The following SALL1 variants were observed in gnomAD, a reference collection of about 807,000 sequenced individuals.
SALL1 encodes the protein sal-like protein 1.
A neutral mutation model predicts 73.1 loss-of-function variants in SALL1; 10 were observed. The observed-to-expected ratio is 0.14, with a 90% CI of 0.08 to 0.23. SALL1 has a LOEUF of 0.23. Ranked by LOEUF, SALL1 falls within the 10% of genes least tolerant of loss-of-function variation. SALL1 has a pLI of 1.00. For synonymous variants in SALL1, 688 were observed against 689.8 expected, an observed-to-expected ratio of 1.00 and a Z score of 0.04; for missense variants, 1,520 against 1,697.3, an observed-to-expected ratio of 0.90 and a Z score of 1.84.
intron 1 of SALL1, among the ~76,000 whole-genome samples, chr16:51,147,281 C>T (rs1032084480): frequency 5.9e-5 from 9 of 152,212 alleles, no homozygotes; most frequent in Non-Finnish European, 1.2e-4. Flanking sequence ...CTAGACTTTG[C>T]TCATTTATGT....
rs1186822873 is a variant in SALL1, at chr16:51,150,610, G to A, written c.76+556C>T. The A allele has an allele frequency of 7.1e-6, 7 of 984,394 alleles. No homozygotes were observed. In the Admixed American group the frequency reaches 3.7e-4, roughly 52 times the overall value. 61.0% of individuals were successfully genotyped at this position (984,394 alleles called of 1,614,324 possible). The stretch of plus-strand genomic sequence containing the variant: ...TGAACCTCCAAAGACACCCGGTTCT[G>A]CCTCGCAGGCCGAGGGGGAGTGTGC... On this transcript the variant is annotated intron_variant, in intron 1 of 2. Coordinates refer to ENST00000251020, the MANE Select transcript of SALL1 (RefSeq NM_002968.3).
At chr16:51,146,738 A>AT (rs1163270490) in intron 1 of SALL1, among the ~76,000 whole-genome samples, 3 of 152,202 alleles carry the variant, frequency 2.0e-5, no homozygotes, top group Non-Finnish European at 4.4e-5. Context: ...TCACCTTTGC[A>AT]TGGGAGGAGG....
intron 2 of SALL1, 131 bp downstream of exon 2, chr16:51,138,557 C>T (rs1243764866): frequency 3.3e-6 from 4 of 1,206,798 alleles, no homozygotes; most frequent in Non-Finnish European, 4.6e-6. Context: ...CAACCATGTG[C>T]AGCAGGTTCC....
Position 51,140,541 on chromosome 16 carries a change from G to C in SALL1, c.1681C>G (p.Pro561Ala), listed in dbSNP as rs1241450896. ...LTTSVGLPLP[P>A]TLPSLIPFIK... is the part of the protein sequence containing the mutation. ...AAGGGTATGAGGCTTGGGAGGGTTG[G>C]GGGCAACGGCAGGCCGACTGAAGTG... The change falls in exon 2 of 3, where the codon CCA (proline) becomes GCA (alanine). Residue 561 changes from proline (P) to alanine (A), a missense_variant. Transcript: ENST00000251020. This position sits in a 1 kb window ranked among gnomAD's most constrained non-coding sequence, Gnocchi z 5.7. 1.9e-6 allele frequency: 3 copies of C among 1,613,880 alleles called. No individual in the cohort carries two copies. The highest frequency in any genetic ancestry group is 3.3e-5 in the Admixed American group (2 of 60,004).
chr16:51,151,691 C>G (rs1387172829), upstream of SALL1, among the ~76,000 whole-genome samples: 2 of 151,288 alleles, frequency 1.3e-5, no homozygotes, highest in Non-Finnish European at 1.5e-5. Context: ...CCCGGCGCCC[C>G]GGCAGGCGCC....
Position 51,137,279 on chromosome 16 carries a change from C to A in SALL1, c.3808G>T (p.Gly1270Trp). 1 of 1,614,110 alleles carries A rather than the reference C, an allele frequency of 6.2e-7. No individual in the cohort carries two copies. Among genetic ancestry groups the A allele is most frequent in the South Asian group, 1.1e-5 (1 of 91,054 alleles). ...AGCCCACTAACAGGTGAGCTGTTCC[C>A]ACTGCCGAGGCTTCCAGGAATTGGA... ...IPPIPGSLGS[G>W]NSSPVSGLTG... is the part of the protein sequence containing the mutation. Residue 1270 changes from glycine to tryptophan, a missense_variant, in exon 3 of 3, where the codon GGG becomes TGG. Physicochemically the swap from Gly to Trp is radical, Grantham distance 184. Coordinates refer to ENST00000251020, the MANE Select transcript of SALL1 (RefSeq NM_002968.3).
intron 1 of SALL1, chr16:51,150,790 C>T (rs776046021): frequency 2.5e-5 from 5 of 196,806 alleles, no homozygotes; most frequent in Non-Finnish European, 4.0e-5. Flanking sequence ...CCCGTGCGGT[C>T]AGGCCGGGGC....
At position 51,151,177 on chromosome 16, in the gene SALL1, G is replaced by A; in HGVS notation, c.65C>T (p.Pro22Leu). ...GCCGGAGCACTCACCATCTCGCCGG[G>A]GGAGCGAGGCCACTTCGGGGTCGGA... ...FQSDPEVASL[P>L]RRDGDTEKGQ... The change falls in exon 1 of 3, where the codon CCC (proline) becomes CTC (leucine). Residue 22 changes from proline (P) to leucine (L), a missense_variant. Physicochemically the swap from Pro to Leu is moderately conservative, Grantham distance 98. Transcript: ENST00000251020. 1.3e-6 allele frequency: 2 copies of A among 1,598,168 alleles called. No individual in the cohort carries two copies. Among genetic ancestry groups the A allele is most frequent in the Non-Finnish European group, 1.7e-6 (2 of 1,174,330 alleles).
Position 51,150,403 on chromosome 16 carries a change from G to A in SALL1, c.76+763C>T. 2.0e-6 allele frequency: 2 copies of A among 985,518 alleles called. 1 individual carries two copies. The highest frequency in any genetic ancestry group is 3.5e-5 in the African/African-American group (2 of 57,372). The allele number at this position is 985,518 out of a possible 1,614,324, so 61.0% of individuals were successfully genotyped here. A position where few individuals can be genotyped will look rare whatever the true frequency, so the allele number is the denominator to read the frequency against. On this transcript the variant is annotated intron_variant, in intron 1 of 2. Coordinates refer to ENST00000251020, the MANE Select transcript of SALL1 (RefSeq NM_002968.3). The stretch of plus-strand genomic sequence containing the variant: ...GACCAGAAAGATTTTGGGGGGCAGA[G>A]GGTGCAAGTGTTGTGGGAAGAGATG...
At position 51,136,044 on chromosome 16, in the gene SALL1, G is replaced by C. The variant is rs1176988672; in HGVS notation, c.*1068C>G. 3.3e-5 allele frequency: 5 copies of C among 152,608 alleles called. No homozygotes were observed. The highest frequency in any genetic ancestry group is 7.3e-5 in the Non-Finnish European group (5 of 68,036). The allele number at this position is 152,608 out of a possible 1,614,324, so 9.5% of individuals were successfully genotyped here. A position where few individuals can be genotyped will look rare whatever the true frequency, so the allele number is the denominator to read the frequency against. On this transcript the variant is annotated 3_prime_UTR_variant, in exon 3 of 3. Coordinates refer to ENST00000251020, the MANE Select transcript of SALL1 (RefSeq NM_002968.3). ...ACTTGAGTAAAATTACAGTATCTCTGTTGTTAGTAAGTATTAAATGTTAAA... is the reference window on the plus strand; with the variant it reads ...ACTTGAGTAAAATTACAGTATCTCTCTTGTTAGTAAGTATTAAATGTTAAA...
At chr16:51,144,996 A>G (rs1962493977) in intron 1 of SALL1, among the ~76,000 whole-genome samples, 1 of 151,996 alleles carries the variant, frequency 6.6e-6, no homozygotes, top group African/African-American at 2.4e-5. Flanking sequence ...ACTGGTATCT[A>G]TTTTGATTTA....
chr16:51,137,160 G>C lies in SALL1; in HGVS notation c.3927C>G (p.Phe1309Leu), dbSNP rs763136342. Reference protein sequence around the residue: ...KMASSENGTNFRFTRFVEDSK... With the variant: ...KMASSENGTNLRFTRFVEDSK... ...TGTCCTCCACGAAGCGGGTGAAGCG[G>C]AAGTTGGTTCCGTTCTCACTGCTTG... The change falls in exon 3 of 3, where the codon TTC becomes TTG. Residue 1309 changes from phenylalanine to leucine, a missense_variant. Phe to Leu is a conservative substitution (Grantham distance 22, BLOSUM62 0). Coordinates refer to ENST00000251020, the MANE Select transcript of SALL1 (RefSeq NM_002968.3). The C allele has an allele frequency of 1.2e-6, 2 of 1,614,166 alleles. No homozygotes were observed. Among genetic ancestry groups the C allele is most frequent in the South Asian group, 2.2e-5 (2 of 91,076 alleles).
In SALL1 at chr16:51,142,148, A is replaced by G. The variant is rs1460688773; in HGVS notation, c.77-3T>C. ...CGGTTGACCCTTTTCTGTGTCTCCT[A>G]CAAATGTCAAAAAGGTGCAGGATTA... On this transcript the variant is annotated splice_polypyrimidine_tract_variant and splice_region_variant and intron_variant, in intron 1 of 2. Coordinates refer to ENST00000251020, the MANE Select transcript of SALL1 (RefSeq NM_002968.3). The G allele has an allele frequency of 6.2e-7, 1 of 1,609,606 alleles. No homozygotes were observed. The highest frequency in any genetic ancestry group is 8.5e-7 in the Non-Finnish European group (1 of 1,177,342).
chr16:51,143,794 A>T (rs1162923832), intron 1 of SALL1, among the ~76,000 whole-genome samples: 1 of 152,210 alleles, frequency 6.6e-6, no homozygotes, highest in African/African-American at 2.4e-5. Context: ...CGCACACTTT[A>T]TTCACTGGGA....
At chr16:51,150,299 A>G (rs1329525952) in intron 1 of SALL1, 2 of 729,042 alleles carry the variant, frequency 2.7e-6, no homozygotes, top group African/African-American at 3.8e-5. Flanking sequence ...CCACCCGCAA[A>G]CCTGGAAAAC....
At position 51,141,564 on chromosome 16, in the gene SALL1, A is replaced by C. The variant is rs1962430980; in HGVS notation, c.658T>G (p.Ser220Ala). ...GCTGGGACGGCCAGCTTGCCCCCAG[A>C]GGCCCCGCCGCACCTCGCTTCCTGG... ...FSQEARCGGASGGKLAVPALM... is the reference protein window; with the variant it reads ...FSQEARCGGAAGGKLAVPALM... The change falls in exon 2 of 3, where the codon TCT (serine) becomes GCT (alanine). Residue 220 changes from serine (S) to alanine (A), a missense_variant. Coordinates refer to ENST00000251020, the MANE Select transcript of SALL1 (RefSeq NM_002968.3). This position sits in a 1 kb window ranked among gnomAD's most constrained non-coding sequence, Gnocchi z 5.4. The C allele has an allele frequency of 6.2e-7, 1 of 1,614,088 alleles. No homozygotes were observed. The highest frequency in any genetic ancestry group is 1.3e-5 in the African/African-American group (1 of 75,010).
rs773251759 is a variant in SALL1, at chr16:51,139,589, G to A, written c.2633C>T (p.Ala878Val). Residue 878 changes from alanine (A) to valine (V), a missense_variant, in exon 2 of 3, where the codon GCA (alanine) becomes GTA (valine). Physicochemically the swap from Ala to Val is moderately conservative, Grantham distance 64 (BLOSUM62 0). This residue lies in a region of SALL1 where 266 missense variants were observed against 275.1 expected (regional missense o/e 0.97). Coordinates refer to ENST00000251020, the MANE Select transcript of SALL1 (RefSeq NM_002968.3). Reference protein sequence around the residue: ...NQMKMINAGLAEQLQASLKSV... With the variant: ...NQMKMINAGLVEQLQASLKSV... ...CTTCAGGCTGGCCTGTAGCTGCTCTGCCAGGCCAGCATTGATCATCTTCAT... is the reference window on the plus strand; with the variant it reads ...CTTCAGGCTGGCCTGTAGCTGCTCTACCAGGCCAGCATTGATCATCTTCAT... 1 of 1,614,046 alleles carries A rather than the reference G, an allele frequency of 6.2e-7. No individual in the cohort carries two copies. The highest frequency in any genetic ancestry group is 1.1e-5 in the South Asian group (1 of 91,082).
At position 51,151,262 on chromosome 16, in the gene SALL1, G is replaced by A; in HGVS notation, c.-21C>T. 6.5e-7 allele frequency: 1 copy of A among 1,534,628 alleles called. No homozygotes were observed. Among genetic ancestry groups the A allele is most frequent in the Non-Finnish European group, 8.8e-7 (1 of 1,136,828 alleles). On this transcript the variant is annotated 5_prime_UTR_variant, in exon 1 of 3. Transcript: ENST00000251020. ...GACATGCTGGCTCAAACATCAGCTG[G>A]GGCAGAATAAAAAATTACTAAAAAA...
Position 51,151,260 on chromosome 16 carries a change from T to G in SALL1, c.-19A>C. 1 of 1,536,910 alleles carries G rather than the reference T, an allele frequency of 6.5e-7. No homozygotes were observed. The highest frequency in any genetic ancestry group is 8.8e-7 in the Non-Finnish European group (1 of 1,138,194). On this transcript the variant is annotated 5_prime_UTR_variant, in exon 1 of 3. Coordinates refer to ENST00000251020, the MANE Select transcript of SALL1 (RefSeq NM_002968.3). ...GCGACATGCTGGCTCAAACATCAGC[T>G]GGGGCAGAATAAAAAATTACTAAAA...
Sources: allele counts gnomAD v4.1 joint callset (sites outside exome capture counted in the v4.1 genomes callset), GRCh38; gene constraint gnomAD v4.1.1; regional missense constraint gnomAD v4.1.1; non-coding constraint Gnocchi (gnomAD v3.1); transcripts MANE v1.5; gene names NCBI Gene and HGNC (gene_info 2026-07-23, HGNC 2026-07-21).